Variants in MTR observed in about 807,000 individuals in gnomAD.
MTR encodes the protein 5-methyltetrahydrofolate-homocysteine methyltransferase.
Under a neutral mutation model 154.8 loss-of-function variants are expected in MTR, and 84 were observed. The ratio of observed to expected loss-of-function variants is 0.54; its 90% CI spans 0.45 to 0.65. The LOEUF (loss-of-function observed/expected upper bound fraction) is 0.65. Ranked by LOEUF, MTR falls within the 30% of genes least tolerant of loss-of-function variation. MTR has a pLI of 0.00. For synonymous variants in MTR, 554 were observed against 553.9 expected, an observed-to-expected ratio of 1.00 and a Z score of 0.00; for missense variants, 1,275 against 1,570.2, an observed-to-expected ratio of 0.81 and a Z score of 3.18.
chr1:236,836,937 C>T (rs1662944327), intron 14 of MTR, among the ~76,000 whole-genome samples: 1 of 152,164 alleles, frequency 6.6e-6, no homozygotes, highest in Non-Finnish European at 1.5e-5. Flanking sequence ...CATCAAACCC[C>T]CTTTGTGAAT....
chr1:236,832,401 C>G (rs918318072), intron 13 of MTR, among the ~76,000 whole-genome samples: 1 of 152,164 alleles, frequency 6.6e-6, no homozygotes, highest in African/African-American at 2.4e-5. Context: ...TTTGTCTTCT[C>G]ACAAATCCTT....
intron 14 of MTR, among the ~76,000 whole-genome samples, chr1:236,836,052 C>A (rs563412470): frequency 2.0e-5 from 3 of 152,172 alleles, no homozygotes; most frequent in South Asian, 4.1e-4. Flanking sequence ...TTTCTTATAA[C>A]AGGAAGGAGA....
chr1:236,823,796 CTTTTTTTTTTTTTTTTTTTTT>C (rs59710180), intron 8 of MTR, among the ~76,000 whole-genome samples: 3 of 18,436 alleles, frequency 1.6e-4, no homozygotes, highest in South Asian at 2.9e-3. Context: ...CAGGTCAGAT[CTTTTTTTTTTTTTTTTTTTTT>C]TTTTTTTTTT....
intron 29 of MTR, among the ~76,000 whole-genome samples, chr1:236,892,266 G>A (rs935195796): frequency 2.0e-5 from 3 of 152,126 alleles, no homozygotes; most frequent in African/African-American, 7.2e-5. Flanking sequence ...GAGCCTAGGA[G>A]TTTGAGACTA....
chr1:236,797,488 T>C (rs747802221), intron 1 of MTR, among the ~76,000 whole-genome samples: 2 of 152,124 alleles, frequency 1.3e-5, no homozygotes, highest in Non-Finnish European at 1.5e-5. Flanking sequence ...TGGAACTCAA[T>C]TGATGAGTGA....
chr1:236,884,771 G>A (rs750231122), intron 25 of MTR, among the ~76,000 whole-genome samples: 3 of 152,072 alleles, frequency 2.0e-5, no homozygotes, highest in Non-Finnish European at 4.4e-5. Flanking sequence ...ACATAAGCAT[G>A]AGCGAAGGTC....
At chr1:236,799,306 T>C (rs911559216) in intron 1 of MTR, among the ~76,000 whole-genome samples, 2 of 151,770 alleles carry the variant, frequency 1.3e-5, no homozygotes, top group Non-Finnish European at 2.9e-5. Context: ...TTTTTTTTTT[T>C]GTAGAGATGA....
Position 236,820,177 on chromosome 1 carries a change from G to A in MTR, c.764+3634G>A, listed in dbSNP as rs1399707528. ...GATGTGGTGGATGCTGGCCTGAGAA[G>A]TTCTGCACATGCGTGGCACCATTTC... On this transcript the variant is annotated intron_variant, in intron 8 of 32. Transcript: ENST00000366577. 9 of 762,994 alleles carry A rather than the reference G, an allele frequency of 1.2e-5. No individual in the cohort carries two copies. In the Admixed American group the frequency reaches 1.2e-4, roughly 10 times the overall value. 47.3% of individuals were successfully genotyped at this position (762,994 alleles called of 1,614,324 possible). A position where few individuals can be genotyped will look rare whatever the true frequency, so the allele number is the denominator to read the frequency against.
rs1229514065 is a variant in MTR, at chr1:236,899,880, T to C, written c.*2236T>C. ...AGGGAAATATGAATTAGGACCACAA[T>C]GAGATTCCATTTTATATCCATAAGA... On this transcript the variant is annotated 3_prime_UTR_variant, in exon 33 of 33. Coordinates refer to ENST00000366577, the MANE Select transcript of MTR (RefSeq NM_000254.3). The C allele has an allele frequency of 6.5e-6, 1 of 154,718 alleles. No individual in the cohort carries two copies. Among genetic ancestry groups the C allele is most frequent in the Non-Finnish European group, 1.4e-5 (1 of 69,466 alleles). The allele number at this position is 154,718 out of a possible 1,614,324, so 9.6% of individuals were successfully genotyped here.
intron 16 of MTR, 98 bp from the exon 17 acceptor site, chr1:236,852,423 G>GT (rs202066967): frequency 3.5e-3 from 3,019 of 858,984 alleles, no homozygotes; most frequent in Non-Finnish European, 4.6e-3. Context: ...GATGCTTTTT[G>GT]TTTTTTTTTC....
intron 10 of MTR, among the ~76,000 whole-genome samples, chr1:236,826,264 A>G (rs936360544): frequency 2.0e-5 from 3 of 152,200 alleles, no homozygotes; most frequent in Non-Finnish European, 2.9e-5. Context: ...TAAAAAAGTC[A>G]TTAGATAGGC....
intron 22 of MTR, among the ~76,000 whole-genome samples, chr1:236,872,446 C>T (rs984405380): frequency 6.6e-6 from 1 of 152,156 alleles, no homozygotes; most frequent in Non-Finnish European, 1.5e-5. Context: ...CAGGACCTGA[C>T]CTCTTTTTCA....
Position 236,810,501 on chromosome 1 carries a change from A to C in MTR, c.410-2A>C, listed in dbSNP as rs200644270. On this transcript the variant is annotated splice_acceptor_variant, in intron 4 of 32. Coordinates refer to ENST00000366577, the MANE Select transcript of MTR (RefSeq NM_000254.3). LOFTEE classifies it high-confidence loss of function. ...CTCACACTTGTTTTTCTTTTCCCAA[A>C]GGAATTAAGAGGTTTGTGGCAGGGG... 6.2e-7 allele frequency: 1 copy of C among 1,613,146 alleles called. No homozygotes were observed. Among genetic ancestry groups the C allele is most frequent in the Non-Finnish European group, 8.5e-7 (1 of 1,179,312 alleles).
At chr1:236,888,387 T>C (rs1018986679) in intron 27 of MTR, among the ~76,000 whole-genome samples, 1 of 152,258 alleles carries the variant, frequency 6.6e-6, no homozygotes, top group Non-Finnish European at 1.5e-5. Flanking sequence ...CATCTGTCTC[T>C]GAAGTCTTCA....
intron 24 of MTR, among the ~76,000 whole-genome samples, chr1:236,880,260 G>T (rs564288527): frequency 1.3e-5 from 2 of 152,320 alleles, no homozygotes; most frequent in African/African-American, 4.8e-5. Flanking sequence ...CAAGTACAAG[G>T]TGGGGTTGGG....
intron 8 of MTR, among the ~76,000 whole-genome samples, chr1:236,818,117 T>G (rs748065637): frequency 2.0e-5 from 3 of 152,236 alleles, no homozygotes; most frequent in Non-Finnish European, 4.4e-5. Flanking sequence ...TTGCTAAGTC[T>G]GAATTTGTTA....
chr1:236,846,002 T>C (rs1187370135), intron 15 of MTR, among the ~76,000 whole-genome samples: 1 of 152,216 alleles, frequency 6.6e-6, no homozygotes, highest in Non-Finnish European at 1.5e-5. Flanking sequence ...CCAGCTTTGT[T>C]TCAATATCTG....
chr1:236,870,633 T>C (rs1282955708), intron 22 of MTR, among the ~76,000 whole-genome samples: 5 of 152,168 alleles, frequency 3.3e-5, no homozygotes, highest in Non-Finnish European at 7.4e-5. Flanking sequence ...GTGACTTCAG[T>C]ATCATCTGAT....
chr1:236,838,416 A>G lies in MTR; in HGVS notation c.1332A>G (p.Val444=), dbSNP rs777017558. The G allele has an allele frequency of 6.2e-7, 1 of 1,614,110 alleles. No individual in the cohort carries two copies. Among genetic ancestry groups the G allele is most frequent in the Non-Finnish European group, 8.5e-7 (1 of 1,180,004 alleles). ...TTTTCTTGCCTTTCTGATCTCAGGT[A>G]CCTTTGTGCATCGACTCCTCCAATT... is the stretch of plus-strand genomic sequence containing the variant. The part of the protein sequence containing the change: ...LIASEPDIAK[V]PLCIDSSNFA... The change falls in exon 15 of 33, where the codon GTA becomes GTG. Residue 444 remains valine (V), a splice_region_variant and synonymous_variant. Transcript: ENST00000366577.
Sources: allele counts gnomAD v4.1 joint callset (sites outside exome capture counted in the v4.1 genomes callset), GRCh38; gene constraint gnomAD v4.1.1; transcripts MANE v1.5; gene names NCBI Gene and HGNC (gene_info 2026-07-23, HGNC 2026-07-21).